KALRN: variants seen among roughly 807,000 people sequenced by gnomAD.
KALRN encodes the protein kalirin.
A neutral mutation model predicts 353.7 loss-of-function variants in KALRN; 70 were observed. The ratio of observed to expected loss-of-function variants is 0.20; its 90% CI spans 0.16 to 0.24. The LOEUF (loss-of-function observed/expected upper bound fraction) is 0.24. Among genes scored for constraint, KALRN ranks in the 10% least tolerant of loss-of-function variants. The probability of loss-of-function intolerance (pLI) is 1.00; values close to 1 mark genes in which losing one functional copy is unlikely to be tolerated. For missense variants in KALRN, 2,791 were observed against 3,756.7 expected (o/e 0.74, Z 6.72); for synonymous variants, 1,391 against 1,434.8 (o/e 0.97, Z 0.69).
At chr3:124,692,665 G>A (rs2061872190) in intron 51 of KALRN, among the ~76,000 whole-genome samples, 1 of 152,172 alleles carries the variant, frequency 6.6e-6, no homozygotes, top group East Asian at 1.9e-4. Flanking sequence ...TATTTAAATA[G>A]GTATTGAGTA....
Position 124,723,061 on chromosome 3 carries a change from G to C in KALRN, c.*3591G>C, listed in dbSNP as rs1298784429. The C allele has an allele frequency of 6.6e-6, 1 of 152,156 alleles. No individual in the cohort carries two copies. Among genetic ancestry groups the C allele is most frequent in the Non-Finnish European group, 1.5e-5 (1 of 68,022 alleles). 9.4% of individuals were successfully genotyped at this position (152,156 alleles called of 1,614,324 possible). A position where few individuals can be genotyped will look rare whatever the true frequency, so the allele number is the denominator to read the frequency against. ...AAATTTTTAAGAAAAAAATGGTAAT[G>C]TTGGAGATATCCTTCAGGTCTCTCT... On this transcript the variant is annotated 3_prime_UTR_variant, in exon 60 of 60. Transcript: ENST00000682506.
Position 124,657,516 on chromosome 3 carries a change from T to G in KALRN, c.5931T>G (p.Phe1977Leu), listed in dbSNP as rs775018855. The G allele has an allele frequency of 1.9e-6, 3 of 1,613,998 alleles. No homozygotes were observed. The Admixed American group carries it at 5.0e-5, about 27-fold the overall frequency. ...EDMRGKDKIV[F>L]GNIHQIYDWH... ...TGCGAGGAAAGGACAAAATCGTGTT[T>G]GGAAATATTCATCAGATTTATGACT... Residue 1977 changes from phenylalanine to leucine, a missense_variant, in exon 40 of 60, where the codon TTT (phenylalanine) becomes TTG (leucine). Coordinates refer to ENST00000682506, the MANE Select transcript of KALRN (RefSeq NM_001388419.1).
chr3:124,660,585 G>A lies in KALRN; in HGVS notation c.6217-338G>A, dbSNP rs148154400. Reference sequence around the variant, plus strand: ...AATCCCAACTACTCAGGAGGCTGAGGCAGGAGAATCGCTTGAACCTAGGAG... The same window carrying A: ...AATCCCAACTACTCAGGAGGCTGAGACAGGAGAATCGCTTGAACCTAGGAG... On this transcript the variant is annotated intron_variant, in intron 43 of 59. Coordinates refer to ENST00000682506, the MANE Select transcript of KALRN (RefSeq NM_001388419.1). Among the ~76,000 whole-genome samples the A allele has an allele frequency of 2.2e-3, 339 of 151,048 alleles. 1 individual carries two copies. The highest frequency in any genetic ancestry group is 3.9e-3 in the Admixed American group (59 of 15,050).
At chr3:124,227,223 A>C (rs189168371) in intron 1 of KALRN, among the ~76,000 whole-genome samples, 119 of 152,308 alleles carry the variant, frequency 7.8e-4, no homozygotes, top group African/African-American at 2.5e-3. Context: ...ACAGGAACTC[A>C]ACTAGAACAT....
intron 3 of KALRN, among the ~76,000 whole-genome samples, chr3:124,260,878 G>C (rs2072758205): frequency 1.3e-5 from 2 of 152,024 alleles, no homozygotes; most frequent in Non-Finnish European, 2.9e-5. Flanking sequence ...CTCCAGAAGG[G>C]AGATCATTCA....
At chr3:124,619,008 A>T (rs2078971982) in intron 34 of KALRN, among the ~76,000 whole-genome samples, 1 of 152,226 alleles carries the variant, frequency 6.6e-6, no homozygotes, top group African/African-American at 2.4e-5. Context: ...ATGATGTTAT[A>T]GGATACATAT....
chr3:124,388,025 T>G (rs2088674064), intron 11 of KALRN, among the ~76,000 whole-genome samples: 1 of 152,096 alleles, frequency 6.6e-6, no homozygotes, highest in Non-Finnish European at 1.5e-5. Flanking sequence ...TATATGTACA[T>G]GTATATGTGT....
At chr3:124,447,256 T>C (rs751571285) in intron 21 of KALRN, among the ~76,000 whole-genome samples, 30 of 152,334 alleles carry the variant, frequency 2.0e-4, no homozygotes, top group Admixed American at 3.9e-4. Flanking sequence ...ATTCTTGCAC[T>C]TTGAGTGGTT....
chr3:124,642,811 T>TTTTTTTTTTTC (rs2082228960), intron 37 of KALRN, among the ~76,000 whole-genome samples: 1 of 138,536 alleles, frequency 7.2e-6, no homozygotes. Flanking sequence ...GCCTCGTTTT[T>TTTTTTTTTTTC]TTTTTTTTTT....
At chr3:124,667,633 C>T (rs2085812424) in intron 47 of KALRN, among the ~76,000 whole-genome samples, 1 of 152,150 alleles carries the variant, frequency 6.6e-6, no homozygotes, top group Non-Finnish European at 1.5e-5. Context: ...AGTGTGAGAG[C>T]CTACATAAGC....
intron 1 of KALRN, among the ~76,000 whole-genome samples, chr3:124,227,720 G>A (rs914276160): frequency 7.6e-6 from 1 of 131,344 alleles, no homozygotes; most frequent in Non-Finnish European, 1.6e-5. Context: ...CCACTGCATG[G>A]AGGTTTCTCC....
intron 34 of KALRN, among the ~76,000 whole-genome samples, chr3:124,593,988 C>T (rs139839940): frequency 1.3e-4 from 20 of 152,172 alleles, no homozygotes; most frequent in African/African-American, 4.3e-4. Context: ...CCACCACACC[C>T]GGCCTCCTCA....
At chr3:124,263,216 A>G (rs2073105858) in intron 3 of KALRN, among the ~76,000 whole-genome samples, 1 of 152,162 alleles carries the variant, frequency 6.6e-6, no homozygotes, top group African/African-American at 2.4e-5. Context: ...GGTCACTGTC[A>G]CTTCATCTTG....
At chr3:124,670,481 C>T (rs140671938) in intron 47 of KALRN, among the ~76,000 whole-genome samples, 40 of 152,314 alleles carry the variant, frequency 2.6e-4, no homozygotes, top group Admixed American at 7.2e-4. Flanking sequence ...GATGTGATGA[C>T]GGACCAGGGC....
chr3:124,408,541 C>G (rs1055531549), intron 13 of KALRN, among the ~76,000 whole-genome samples: 1 of 152,202 alleles, frequency 6.6e-6, no homozygotes, highest in Non-Finnish European at 1.5e-5. Flanking sequence ...AAACACTTAA[C>G]ACATTGCCTG....
intron 34 of KALRN, among the ~76,000 whole-genome samples, chr3:124,569,338 A>C (rs965632919): frequency 3.9e-5 from 6 of 152,084 alleles, no homozygotes; most frequent in Admixed American, 3.9e-4. Context: ...GGTGGTGGAG[A>C]ACCGTGGATA....
chr3:124,476,183 G>A (rs2061412652), intron 26 of KALRN, among the ~76,000 whole-genome samples: 1 of 151,860 alleles, frequency 6.6e-6, no homozygotes, highest in Non-Finnish European at 1.5e-5. Flanking sequence ...TGAGTGTAAT[G>A]CAGAAATGAA....
intron 6 of KALRN, among the ~76,000 whole-genome samples, chr3:124,305,749 A>G (rs2077637219): frequency 6.6e-6 from 1 of 152,152 alleles, no homozygotes; most frequent in South Asian, 2.1e-4. Flanking sequence ...AATAACAACA[A>G]CAAGCTCTAA....
intron 32 of KALRN, among the ~76,000 whole-genome samples, chr3:124,494,035 T>C (rs1478590372): frequency 1.3e-5 from 2 of 152,158 alleles, no homozygotes; most frequent in Admixed American, 1.3e-4. Context: ...GAAATGATGG[T>C]CTAGGATCAT....
Sources: gnomAD v4.1 joint callset for allele counts (sites outside exome capture counted in the v4.1 genomes callset) on GRCh38, gnomAD v4.1.1 for gene constraint, MANE v1.5 for transcripts, NCBI Gene and HGNC (gene_info 2026-07-23, HGNC 2026-07-21) for gene names.